SLC30A6: variants seen among roughly 807,000 people sequenced by gnomAD.
The protein encoded by SLC30A6 is solute carrier family 30 member 6.
Under a neutral mutation model 63.0 loss-of-function variants are expected in SLC30A6, and 55 were observed. That is an observed-to-expected ratio of 0.87 (90% CI 0.70 to 1.09). SLC30A6 has a LOEUF of 1.09. SLC30A6 is among the 50% of genes least tolerant of loss of function. The pLI is 0.00. For missense variants in SLC30A6, 587 were observed against 549.2 expected, an observed-to-expected ratio of 1.07 and a Z score of -0.69; for synonymous variants, 224 against 186.1, an observed-to-expected ratio of 1.20 and a Z score of -1.66.
chr2:32,203,307 T>A (rs144399100), intron 10 of SLC30A6: 4 of 924,862 alleles, frequency 4.3e-6, no homozygotes, highest in Non-Finnish European at 7.3e-6. Context: ...CTAAGATATG[T>A]GGAACAAAAA....
At chr2:32,207,094 G>A (rs1207922681) in intron 12 of SLC30A6, among the ~76,000 whole-genome samples, 161 bp downstream of exon 12, 1 of 152,158 alleles carries the variant, frequency 6.6e-6, no homozygotes, top group African/African-American at 2.4e-5. Flanking sequence ...GGCAAACGTG[G>A]AAAAATATGA....
chr2:32,175,726 A>G (rs2148811200), intron 4 of SLC30A6, among the ~76,000 whole-genome samples: 1 of 152,336 alleles, frequency 6.6e-6, no homozygotes, highest in East Asian at 1.9e-4. Context: ...CTGCAATTCC[A>G]GCACTTTGGG....
At position 32,209,008 on chromosome 2, in the gene SLC30A6, C is replaced by T. The variant is rs974343849; in HGVS notation, c.817-485C>T. ...GAGTATGTGTCCTGTGCAACTGTAC[C>T]AGTGGGCTACACACTATATATCTGG... On this transcript the variant is annotated intron_variant, in intron 12 of 13. Transcript: ENST00000282587. Among the ~76,000 whole-genome samples, 8 of 152,244 alleles carry T rather than the reference C, an allele frequency of 5.3e-5. No individual in the cohort carries two copies. The South Asian group carries it at 1.7e-3, about 32-fold the overall frequency.
chr2:32,173,261 C>G (rs1681395458), intron 2 of SLC30A6, among the ~76,000 whole-genome samples: 1 of 152,130 alleles, frequency 6.6e-6, no homozygotes, highest in South Asian at 2.1e-4. Context: ...CTTGTGCCCA[C>G]TAATTCACAT....
intron 10 of SLC30A6, among the ~76,000 whole-genome samples, chr2:32,200,697 C>A (rs1684211105): frequency 6.6e-6 from 1 of 151,744 alleles, no homozygotes; most frequent in African/African-American, 2.4e-5. Flanking sequence ...ATCTCAAGTA[C>A]CCAGGGACAC....
chr2:32,206,402 C>T (rs376952943), intron 11 of SLC30A6, among the ~76,000 whole-genome samples: 7 of 150,790 alleles, frequency 4.6e-5, no homozygotes, highest in East Asian at 2.0e-4. Flanking sequence ...GCCAAGATTG[C>T]GCCACTGCAT....
At chr2:32,209,952 G>A (rs1244174965) in intron 13 of SLC30A6, among the ~76,000 whole-genome samples, 1 of 152,094 alleles carries the variant, frequency 6.6e-6, no homozygotes, top group Non-Finnish European at 1.5e-5. Context: ...AAGTGCAATT[G>A]CTTTCTTTTT....
At position 32,197,825 on chromosome 2, in the gene SLC30A6, A is replaced by G. The variant is rs1167044329; in HGVS notation, c.664A>G (p.Asn222Asp). 4 of 1,613,300 alleles carry G rather than the reference A, an allele frequency of 2.5e-6. No homozygotes were observed. The highest frequency in any genetic ancestry group is 3.4e-6 in the Non-Finnish European group (4 of 1,179,796). The change falls in exon 10 of 14, where the codon AAT becomes GAT. Residue 222 changes from asparagine to aspartate, a missense_variant and splice_region_variant. By Grantham distance (23) the Asn-to-Asp change is conservative. Transcript: ENST00000282587. ...LCITYMLIEI[N>D]NYFAVDTASA... Reference sequence around the variant, plus strand: ...TATTACATATATGCTCATTGAAATTAAGTGAGTATTTTTTATTGTTGTCAA... The same window carrying G: ...TATTACATATATGCTCATTGAAATTGAGTGAGTATTTTTTATTGTTGTCAA...
chr2:32,220,259 T>C lies in SLC30A6; in HGVS notation c.932T>C (p.Met311Thr). The C allele has an allele frequency of 6.2e-7, 1 of 1,614,178 alleles. No individual in the cohort carries two copies. Among genetic ancestry groups the C allele is most frequent in the Non-Finnish European group, 8.5e-7 (1 of 1,180,014 alleles). ...ATTCGACGAGATGCCAATGAACAAA[T>C]GGTTCTTGCTCATGTGACCAACAGG... ...VRIRRDANEQ[M>T]VLAHVTNRLY... The change falls in exon 14 of 14, where the codon ATG becomes ACG. Residue 311 changes from methionine (M) to threonine (T), a missense_variant. Transcript: ENST00000282587.
intron 4 of SLC30A6, among the ~76,000 whole-genome samples, chr2:32,179,637 A>T (rs997217035): frequency 6.6e-6 from 1 of 152,216 alleles, no homozygotes; most frequent in African/African-American, 2.4e-5. Flanking sequence ...CAATAAAATC[A>T]AAGCATTTTA....
chr2:32,183,468 G>A, intron 4 of SLC30A6, among the ~76,000 whole-genome samples: 1 of 151,910 alleles, frequency 6.6e-6, no homozygotes, highest in South Asian at 2.1e-4. Flanking sequence ...GATCACTTGA[G>A]ACCAGGAGTT....
intron 5 of SLC30A6, chr2:32,187,300 T>C: frequency 2.1e-6 from 1 of 466,260 alleles, no homozygotes; most frequent in Non-Finnish European, 4.4e-6. Flanking sequence ...AAATAATATT[T>C]ATGGTAGGCA....
chr2:32,189,046 A>G (rs1035818852), intron 5 of SLC30A6, among the ~76,000 whole-genome samples: 10 of 152,226 alleles, frequency 6.6e-5, no homozygotes, highest in African/African-American at 2.4e-4. Context: ...CTTTTTAGCT[A>G]TTATAAATAA....
At position 32,184,309 on chromosome 2, in the gene SLC30A6, G is replaced by T; in HGVS notation, c.255G>T (p.Leu85Phe). ...MTCLISYWVT[L>F]RKPSPVYSFG... Reference sequence around the variant, plus strand: ...GTTTAATAAGTTACTGGGTAACATTGAGGAAACCTAGCCCTGTCTATTCAT... The same window carrying T: ...GTTTAATAAGTTACTGGGTAACATTTAGGAAACCTAGCCCTGTCTATTCAT... The change falls in exon 5 of 14, where the codon TTG (leucine) becomes TTT (phenylalanine). Residue 85 changes from leucine to phenylalanine, a missense_variant. Leu to Phe is a conservative substitution (Grantham distance 22, BLOSUM62 0). Coordinates refer to ENST00000282587, the MANE Select transcript of SLC30A6 (RefSeq NM_017964.5). 1.3e-6 allele frequency: 2 copies of T among 1,532,846 alleles called. No individual in the cohort carries two copies. Among genetic ancestry groups the T allele is most frequent in the East Asian group, 2.4e-5 (1 of 42,540 alleles). The allele number at this position is 1,532,846 out of a possible 1,614,324, so 95.0% of individuals were successfully genotyped here. A position where few individuals can be genotyped will look rare whatever the true frequency, so the allele number is the denominator to read the frequency against.
Position 32,220,353 on chromosome 2 carries a change from G to A in SLC30A6, c.1026G>A (p.Leu342=). The A allele has an allele frequency of 1.9e-6, 3 of 1,614,150 alleles. No individual in the cohort carries two copies. The highest frequency in any genetic ancestry group is 2.5e-6 in the Non-Finnish European group (3 of 1,180,022). ...FKDDWIRPAL[L]SGPVAANVLN... ...ATGACTGGATTAGGCCTGCCTTATT[G>A]TCTGGGCCTGTTGCAGCCAATGTCC... is the stretch of plus-strand genomic sequence containing the variant. The change falls in exon 14 of 14, where the codon TTG becomes TTA. Residue 342 remains leucine, a synonymous_variant. Coordinates refer to ENST00000282587, the MANE Select transcript of SLC30A6 (RefSeq NM_017964.5).
chr2:32,189,755 C>T (rs1025266251), intron 5 of SLC30A6, among the ~76,000 whole-genome samples: 3 of 151,688 alleles, frequency 2.0e-5, no homozygotes, highest in African/African-American at 7.3e-5. Flanking sequence ...ACTACAGGCA[C>T]ATCCCACCAT....
rs1013614353 is a variant in SLC30A6, at chr2:32,224,286, T to G, written c.*3573T>G. 2.3e-5 allele frequency: 12 copies of G among 521,598 alleles called. No homozygotes were observed. Among genetic ancestry groups the G allele is most frequent in the Admixed American group, 1.5e-4 (4 of 27,044 alleles). The allele number at this position is 521,598 out of a possible 1,614,324, so 32.3% of individuals were successfully genotyped here. The stretch of plus-strand genomic sequence containing the variant: ...AGGTAACACAAAGATGAATGAGAAT[T>G]CCTTCAAGGCGCCGATAATCCTAGT... On this transcript the variant is annotated 3_prime_UTR_variant, in exon 14 of 14. Coordinates refer to ENST00000282587, the MANE Select transcript of SLC30A6 (RefSeq NM_017964.5).
chr2:32,183,688 A>AG (rs1491273048), intron 4 of SLC30A6, among the ~76,000 whole-genome samples: 1 of 30,800 alleles, frequency 3.2e-5, no homozygotes. Flanking sequence ...ACTCTGTCTC[A>AG]AAAAAAAAAA....
At chr2:32,187,304 G>T in intron 5 of SLC30A6, 1 of 465,268 alleles carries the variant, frequency 2.1e-6, no homozygotes, top group Non-Finnish European at 4.4e-6. Context: ...AATATTTATG[G>T]TAGGCAATAA....
Sources: allele counts gnomAD v4.1 joint callset (sites outside exome capture counted in the v4.1 genomes callset), GRCh38; gene constraint gnomAD v4.1.1; transcripts MANE v1.5; gene names NCBI Gene and HGNC (gene_info 2026-07-23, HGNC 2026-07-21).